The following TTC34 variants were observed in gnomAD, a reference collection of about 807,000 sequenced individuals.
The protein encoded by TTC34 is tetratricopeptide repeat protein 34.
Under a neutral mutation model 40.7 loss-of-function variants are expected in TTC34, and 44 were observed. That is an observed-to-expected ratio of 1.08 (90% CI 0.85 to 1.39). The LOEUF is 1.39. Ranked by LOEUF, TTC34 falls within the 40% of genes most tolerant of loss-of-function variation. TTC34 has a pLI of 0.00. For missense variants in TTC34, 884 were observed against 838.0 expected, an observed-to-expected ratio of 1.05 and a Z score of -0.68; for synonymous variants, 422 against 398.6, an observed-to-expected ratio of 1.06 and a Z score of -0.70.
intron 6 of TTC34, among the ~76,000 whole-genome samples, chr1:2,698,406 CA>C (rs2100401754): frequency 9.8e-5 from 6 of 60,938 alleles, no homozygotes; most frequent in Non-Finnish European, 1.7e-4. Flanking sequence ...GCACCCCACA[CA>C]CCCAGGTGAG....
rs1643530715 is a variant in TTC34 at position 2,783,848 on chromosome 1, CG to C, written c.2060-74del. ...TCCCCAGCATCTATCCTGCCCAGCC[CG>C]GGGAGGGCAGAGGGTGCATGAGCTT... On this transcript the variant is annotated intron_variant, in intron 5 of 8. Coordinates refer to ENST00000401095, the Ensembl canonical transcript of TTC34. The C allele has an allele frequency of 3.0e-6, 4 of 1,325,708 alleles. No individual in the cohort carries two copies. In the South Asian group the frequency reaches 6.2e-5, roughly 21 times the overall value. 82.1% of individuals were successfully genotyped at this position (1,325,708 alleles called of 1,614,324 possible).
chr1:2,637,716 C>A (rs985039917), exon 9 of TTC34: 2 of 151,968 alleles, frequency 1.3e-5, no homozygotes, highest in African/African-American at 2.4e-5. Flanking sequence ...AGGAACCACA[C>A]GTTCAGGTCT....
At chr1:2,698,856 CGAGCATCTGACATCCTG>C (rs1640991277) in intron 6 of TTC34, among the ~76,000 whole-genome samples, 1 of 143,652 alleles carries the variant, frequency 7.0e-6, no homozygotes, top group African/African-American at 2.6e-5. Flanking sequence ...CACTCCCAGG[CGAGCATCTGACATCCTG>C]GAGCAGCACC....
chr1:2,657,444 T>C (rs1460642283), intron 6 of TTC34, among the ~76,000 whole-genome samples: 2 of 87,060 alleles, frequency 2.3e-5, no homozygotes, highest in Admixed American at 1.1e-4. Context: ...TCTGAACTCA[T>C]GGAGCAGCAC....
chr1:2,753,325 A>C (rs1641389246), intron 6 of TTC34, among the ~76,000 whole-genome samples: 1 of 121,758 alleles, frequency 8.2e-6, no homozygotes, highest in Non-Finnish European at 1.6e-5. Context: ...AGCCTGGAGC[A>C]TCACCCACAC....
intron 6 of TTC34, among the ~76,000 whole-genome samples, chr1:2,684,533 G>A (rs1036994558): frequency 1.4e-5 from 2 of 143,634 alleles, no homozygotes; most frequent in African/African-American, 5.6e-5. Flanking sequence ...GTGAGCATCC[G>A]ACATCCTGAA....
In TTC34 at chr1:2,691,029, G is replaced by A. The variant is rs1464152029; in HGVS notation, c.2227-45466C>T. ...TGGAGCGGAACCCACACCAACAGGC[G>A]AGCATCTGACAGCCTCGGTCAGCAC... On this transcript the variant is annotated intron_variant, in intron 6 of 8. Transcript: ENST00000401095. Among the ~76,000 whole-genome samples, 4 of 84,900 alleles carry A rather than the reference G, an allele frequency of 4.7e-5. 1 individual carries two copies. The highest frequency in any genetic ancestry group is 1.5e-4 in the African/African-American group (4 of 26,536). 55.7% of individuals were successfully genotyped at this position (84,900 alleles called of 152,430 possible).
chr1:2,690,303 C>A (rs150785034), intron 6 of TTC34, among the ~76,000 whole-genome samples: 4 of 25,780 alleles, frequency 1.6e-4, no homozygotes, highest in Non-Finnish European at 2.5e-4. Flanking sequence ...CCCACACCTC[C>A]AGGTGAGCAT....
At chr1:2,780,219 G>A (rs979377200) in intron 6 of TTC34, among the ~76,000 whole-genome samples, 3 of 152,136 alleles carry the variant, frequency 2.0e-5, no homozygotes, top group African/African-American at 4.8e-5. Flanking sequence ...CAAATATTGT[G>A]GTTTTCTTCC....
intron 2 of TTC34, among the ~76,000 whole-genome samples, chr1:2,791,803 G>A (rs1272189531): frequency 6.6e-6 from 1 of 151,894 alleles, no homozygotes; most frequent in African/African-American, 2.4e-5. Context: ...CACGTGAAAG[G>A]GTGATCTCTC....
chr1:2,755,813 A>T (rs1426036462), intron 6 of TTC34, among the ~76,000 whole-genome samples: 1 of 117,572 alleles, frequency 8.5e-6, no homozygotes, highest in African/African-American at 3.9e-5. Context: ...GGTCTGGAGC[A>T]GCACCCACAA....
intron 6 of TTC34, among the ~76,000 whole-genome samples, chr1:2,756,985 A>C (rs1316682996): frequency 0.068 from 3,744 of 54,952 alleles, no homozygotes; most frequent in Middle Eastern, 0.19. Flanking sequence ...CAGCACCCAC[A>C]CGCCCAGGTG....
rs1195583035 is a variant in TTC34 at position 2,789,461 on chromosome 1, C to G, written c.1628+42G>C. On this transcript the variant is annotated intron_variant, in intron 3 of 8. Coordinates refer to ENST00000401095, the Ensembl canonical transcript of TTC34. ...ATCCGTCGCTACCTCGAAGGAGACC[C>G]GCAGGAAGCAGCGGCCCCAGCGTGC... The G allele has an allele frequency of 3.4e-6, 5 of 1,490,186 alleles. No homozygotes were observed. In the Middle Eastern group the frequency reaches 5.1e-4, roughly 152 times the overall value. 92.3% of individuals were successfully genotyped at this position (1,490,186 alleles called of 1,614,324 possible). A position where few individuals can be genotyped will look rare whatever the true frequency, so the allele number is the denominator to read the frequency against.
rs567352723 is a variant in TTC34, at chr1:2,797,005, C to A, written c.784+3039G>T. Among the ~76,000 whole-genome samples the A allele has an allele frequency of 1.2e-4, 19 of 152,250 alleles. 1 individual carries two copies. The South Asian group carries it at 3.9e-3, about 32-fold the overall frequency. ...GTCTTTATCTTGCAAACCCCCTTCT[C>A]TTCTGGCCCTGATCCGTCACCCCAC... On this transcript the variant is annotated intron_variant, in intron 2 of 8. Coordinates refer to ENST00000401095, the Ensembl canonical transcript of TTC34.
intron 6 of TTC34, among the ~76,000 whole-genome samples, chr1:2,686,589 ACAGCACACACACCCCCAGGCGAG>A (rs1640360631): frequency 3.5e-5 from 3 of 85,350 alleles, no homozygotes; most frequent in African/African-American, 4.3e-5. Flanking sequence ...ACCGCCTGGA[ACAGCACACACACCCCCAGGCGAG>A]CATCTGACAG....
intron 6 of TTC34, among the ~76,000 whole-genome samples, chr1:2,762,018 T>C (rs1307585708): frequency 2.4e-5 from 1 of 41,076 alleles, no homozygotes; most frequent in Non-Finnish European, 3.9e-5. Flanking sequence ...CACCCCCAGG[T>C]GAGCATGTGA....
chr1:2,764,143 T>C, intron 6 of TTC34, among the ~76,000 whole-genome samples: 1 of 138,446 alleles, frequency 7.2e-6, no homozygotes. Context: ...ACCCCACTCT[T>C]CCAGGTGAGA....
chr1:2,799,507 C>T (rs1237317579), intron 2 of TTC34, among the ~76,000 whole-genome samples: 1 of 152,080 alleles, frequency 6.6e-6, no homozygotes, highest in Non-Finnish European at 1.5e-5. Context: ...CGCCCCATTG[C>T]ACTCCAGCCT....
chr1:2,681,919 T>C (rs201866208), intron 6 of TTC34, among the ~76,000 whole-genome samples: 1 of 72,738 alleles, frequency 1.4e-5, no homozygotes, highest in Non-Finnish European at 3.1e-5. Flanking sequence ...CAGGTGCGCA[T>C]GTGACAGCCT....
Sources: gnomAD v4.1 joint callset for allele counts (sites outside exome capture counted in the v4.1 genomes callset) on GRCh38, gnomAD v4.1.1 for gene constraint, MANE v1.5 for transcripts, NCBI Gene and HGNC (gene_info 2026-07-23, HGNC 2026-07-21) for gene names.